CEP350: variants seen among roughly 807,000 people sequenced by gnomAD.
The protein encoded by CEP350 is centrosome-associated protein 350.
A neutral mutation model predicts 331.8 loss-of-function variants in CEP350; 126 were observed. The ratio of observed to expected loss-of-function variants is 0.38; its 90% CI spans 0.33 to 0.44. The LOEUF is 0.44. Ranked by LOEUF, CEP350 falls within the 20% of genes least tolerant of loss-of-function variation. CEP350 has a pLI of 1.00. For synonymous variants in CEP350, 1,200 were observed against 1,259.5 expected (o/e 0.95, Z 1.00); for missense variants, 3,406 against 3,634.6 (o/e 0.94, Z 1.62).
intron 11 of CEP350, among the ~76,000 whole-genome samples, chr1:180,018,864 T>TA (rs1655137767): frequency 6.6e-6 from 1 of 151,088 alleles, no homozygotes; most frequent in Non-Finnish European, 1.5e-5. Flanking sequence ...TTTCTTTTTT[T>TA]TTTTTTTTTT....
At chr1:180,067,869 G>A (rs1162431940) in intron 27 of CEP350, among the ~76,000 whole-genome samples, 1 of 152,196 alleles carries the variant, frequency 6.6e-6, no homozygotes, top group Non-Finnish European at 1.5e-5. Flanking sequence ...AATGATGTTG[G>A]AGTGTCAGCT....
intron 1 of CEP350, 97 bp from the exon 2 acceptor site, chr1:179,986,072 G>A (rs1652625454): frequency 2.2e-6 from 2 of 915,336 alleles, no homozygotes; most frequent in Admixed American, 4.6e-5. Context: ...ATCCTAATGG[G>A]TGTGAAGTAG....
Position 180,090,796 on chromosome 1 carries a change from G to T in CEP350, c.6508G>T (p.Asp2170Tyr). 1 of 1,533,336 alleles carries T rather than the reference G, an allele frequency of 6.5e-7. No individual in the cohort carries two copies. The highest frequency in any genetic ancestry group is 8.8e-7 in the Non-Finnish European group (1 of 1,137,480). The allele number at this position is 1,533,336 out of a possible 1,614,324, so 95.0% of individuals were successfully genotyped here. ...CCTGGAGTCTATTGCTGAACATGTTGGTATGTAACTAGAAAAAATAATTAA... is the reference window on the plus strand; with the variant it reads ...CCTGGAGTCTATTGCTGAACATGTTTGTATGTAACTAGAAAAAATAATTAA... ...GSLESIAEHV[D>Y]ASLSGSERSV... Residue 2170 changes from aspartate to tyrosine, a missense_variant and splice_region_variant, in exon 33 of 38, where the codon GAT becomes TAT. By Grantham distance (160) the Asp-to-Tyr change is radical. Around this residue, in one of 5 missense-constraint regions of CEP350, gnomAD observed 1,415 missense variants for 1,512.3 expected, o/e 0.94. Transcript: ENST00000367607.
intron 37 of CEP350, among the ~76,000 whole-genome samples, chr1:180,104,828 TA>T (rs1253616557): frequency 6.6e-6 from 1 of 152,196 alleles, no homozygotes; most frequent in East Asian, 1.9e-4. Flanking sequence ...GTAGCAGTTT[TA>T]ATCCGCCACC....
chr1:180,015,303 G>T (rs111434157), intron 10 of CEP350, among the ~76,000 whole-genome samples: 11,495 of 151,760 alleles, frequency 0.076, 617 homozygotes, highest in African/African-American at 0.16. Flanking sequence ...GCGCGATCTC[G>T]GCTCACTGCA....
intron 16 of CEP350, among the ~76,000 whole-genome samples, chr1:180,036,720 T>A (rs1302702041): frequency 6.6e-6 from 1 of 152,214 alleles, no homozygotes; most frequent in Non-Finnish European, 1.5e-5. Flanking sequence ...ACCAAAAAAT[T>A]TGTGTGACTT....
chr1:180,049,806 T>G (rs1036281224), intron 22 of CEP350, among the ~76,000 whole-genome samples: 14 of 152,316 alleles, frequency 9.2e-5, no homozygotes, highest in Admixed American at 8.5e-4. Context: ...CCTCCCAAAG[T>G]GCTGGGATTA....
At chr1:180,080,755 A>G (rs1659515408) in intron 30 of CEP350, 94 bp downstream of exon 30, 4 of 1,015,932 alleles carry the variant, frequency 3.9e-6, no homozygotes, top group East Asian at 4.7e-5. Context: ...TAGGAAGCAT[A>G]TGTAGACAGA....
At chr1:180,080,383 T>C in intron 29 of CEP350, 134 bp from the exon 30 acceptor site, 2 of 761,444 alleles carry the variant, frequency 2.6e-6, no homozygotes, top group East Asian at 2.8e-5. Flanking sequence ...TTGTAAACTT[T>C]TTTCACTTAT....
intron 19 of CEP350, among the ~76,000 whole-genome samples, 176 bp downstream of exon 19, chr1:180,041,978 A>G (rs773854170): frequency 1.3e-5 from 2 of 152,174 alleles, no homozygotes; most frequent in Non-Finnish European, 2.9e-5. Context: ...TGTGTTGTAC[A>G]TGTGATTGAA....
At chr1:180,075,896 G>A (rs750211623) in intron 28 of CEP350, among the ~76,000 whole-genome samples, 10 of 151,688 alleles carry the variant, frequency 6.6e-5, no homozygotes, top group Admixed American at 2.0e-4. Context: ...GGTGGAGGTC[G>A]CAGTGAGCCA....
chr1:180,020,754 T>C lies in CEP350; in HGVS notation c.2980T>C (p.Ser994Pro). ...EGPLLSEGSL[S>P]EEEGDQDGQP... ...GCCTCTTCTTAGTGAGGGGAGTCTCTCTGAAGAAGAGGGAGACCAGGATGG... is the reference window on the plus strand; with the variant it reads ...GCCTCTTCTTAGTGAGGGGAGTCTCCCTGAAGAAGAGGGAGACCAGGATGG... The change falls in exon 12 of 38, where the codon TCT becomes CCT. Residue 994 changes from serine (S) to proline (P), a missense_variant. By Grantham distance (74) the Ser-to-Pro change is moderately conservative. Around this residue, in one of 5 missense-constraint regions of CEP350, gnomAD observed 1,857 missense variants for 1,909.2 expected, o/e 0.97. Transcript: ENST00000367607. The C allele has an allele frequency of 6.2e-7, 1 of 1,614,014 alleles. No homozygotes were observed. Among genetic ancestry groups the C allele is most frequent in the East Asian group, 2.2e-5 (1 of 44,886 alleles).
chr1:180,024,678 T>C, intron 14 of CEP350, 96 bp downstream of exon 14: 10 of 1,314,592 alleles, frequency 7.6e-6, no homozygotes, highest in African/African-American at 1.5e-5. Context: ...GTTAGAAGAA[T>C]TTCTTATGGT....
At position 180,096,086 on chromosome 1, in the gene CEP350, G is replaced by A; in HGVS notation, c.8968G>A (p.Asp2990Asn). The change falls in exon 36 of 38, where the codon GAT becomes AAT. Residue 2990 changes from aspartate to asparagine, a missense_variant. Physicochemically the swap from Asp to Asn is conservative, Grantham distance 23. Transcript: ENST00000367607. ...KEIFEEIFAE[D>N]PNLNQPVWMK... is the part of the protein sequence containing the mutation. ...GATTTTTGAGGAAATATTTGCTGAG[G>A]ATCCCAACTTAAATCAACCTGTCTG... is the stretch of plus-strand genomic sequence containing the variant. 1 of 1,555,444 alleles carries A rather than the reference G, an allele frequency of 6.4e-7. No individual in the cohort carries two copies.
intron 1 of CEP350, 145 bp downstream of exon 1, chr1:179,955,287 G>A: frequency 1.1e-6 from 1 of 879,440 alleles, no homozygotes; most frequent in Non-Finnish European, 1.4e-6. Flanking sequence ...CCCCCTCGGG[G>A]AACCTCCCTG....
Position 180,094,551 on chromosome 1 carries a change from T to C in CEP350, c.8446T>C (p.Phe2816Leu). 1.9e-6 allele frequency: 3 copies of C among 1,613,932 alleles called. No individual in the cohort carries two copies. Among genetic ancestry groups the C allele is most frequent in the Non-Finnish European group, 2.5e-6 (3 of 1,179,842 alleles). The change falls in exon 34 of 38, where the codon TTC becomes CTC. Residue 2816 changes from phenylalanine to leucine, a missense_variant. Transcript: ENST00000367607. Reference sequence around the variant, plus strand: ...ACAGTCGCCAAGTATTTCAGGTTGCTTCTTAAGTTCTGAATTGGAAGATGA... The same window carrying C: ...ACAGTCGCCAAGTATTTCAGGTTGCCTCTTAAGTTCTGAATTGGAAGATGA... Reference protein sequence around the residue: ...EEQSPSISGCFLSSELEDEKE... With the variant: ...EEQSPSISGCLLSSELEDEKE...
intron 4 of CEP350, 144 bp from the exon 5 acceptor site, chr1:179,991,918 C>T: frequency 1.5e-6 from 1 of 663,050 alleles, no homozygotes; most frequent in South Asian, 3.3e-5. Context: ...TATATAATAT[C>T]CAACTAGAGA....
At chr1:180,077,671 T>TAAAA (rs3067269) in intron 28 of CEP350, among the ~76,000 whole-genome samples, 1,776 of 97,160 alleles carry the variant, frequency 0.018, 71 homozygotes, top group East Asian at 0.041. Context: ...TCTCAAAAAG[T>TAAAA]AAAAAAAAAA....
intron 17 of CEP350, among the ~76,000 whole-genome samples, chr1:180,039,838 A>G (rs1286766391): frequency 3.3e-5 from 5 of 152,120 alleles, no homozygotes; most frequent in Non-Finnish European, 4.4e-5. Context: ...TTAGAATGGT[A>G]TTGAATCTGT....
Sources: allele counts gnomAD v4.1 joint callset (sites outside exome capture counted in the v4.1 genomes callset), GRCh38; gene constraint gnomAD v4.1.1; regional missense constraint gnomAD v4.1.1; transcripts MANE v1.5; gene names NCBI Gene and HGNC (gene_info 2026-07-23, HGNC 2026-07-21).